The following NDC1 variants were observed in gnomAD, a reference collection of about 807,000 sequenced individuals.
NDC1 encodes nucleoporin NDC1.
Under a neutral mutation model 89.8 loss-of-function variants are expected in NDC1, and 24 were observed. That is an observed-to-expected ratio of 0.27 (90% CI 0.19 to 0.38). The LOEUF is 0.38. Ranked by LOEUF, NDC1 falls within the 10% of genes least tolerant of loss-of-function variation. The pLI is 1.00. For synonymous variants in NDC1, 296 were observed against 284.8 expected (o/e 1.04, Z -0.39); for missense variants, 728 against 797.6 (o/e 0.91, Z 1.05).
intron 7 of NDC1, among the ~76,000 whole-genome samples, chr1:53,809,075 T>A (rs1648211045): frequency 6.6e-6 from 1 of 152,240 alleles, no homozygotes; most frequent in African/African-American, 2.4e-5. Flanking sequence ...TGACTGCCAC[T>A]TGTGACCTTC....
At chr1:53,832,947 G>A (rs180756180) in intron 2 of NDC1, among the ~76,000 whole-genome samples, 1 of 152,252 alleles carries the variant, frequency 6.6e-6, no homozygotes, top group Non-Finnish European at 1.5e-5. Flanking sequence ...GGGAGTTTGA[G>A]GCTGCAGTGA....
At position 53,799,153 on chromosome 1, in the gene NDC1, GT is replaced by G. The variant is rs370397924; in HGVS notation, c.1222+1539del. ...ATAGAATAAAATCTAAACTTTTTTT[GT>G]TGCAAACAAGGCTTCCTTTCATTAT... On this transcript the variant is annotated intron_variant, in intron 11 of 17. Transcript: ENST00000371429. Among the ~76,000 whole-genome samples the G allele has an allele frequency of 1.6e-3, 236 of 152,162 alleles. 1 individual carries two copies. The highest frequency in any genetic ancestry group is 5.4e-3 in the African/African-American group (226 of 41,548).
chr1:53,837,571 C>CAA (rs199801630), intron 1 of NDC1, among the ~76,000 whole-genome samples: 10 of 124,064 alleles, frequency 8.1e-5, no homozygotes, highest in Middle Eastern at 4.2e-3. Context: ...GCCTCCGGCT[C>CAA]AAAAAAAAAA....
At chr1:53,769,175 C>T (rs1647091148) in intron 17 of NDC1, among the ~76,000 whole-genome samples, 1 of 152,102 alleles carries the variant, frequency 6.6e-6, no homozygotes, top group Non-Finnish European at 1.5e-5. Context: ...GAGCAAGACC[C>T]TGACTCAAAA....
intron 13 of NDC1, among the ~76,000 whole-genome samples, chr1:53,794,291 T>C (rs1463782675): frequency 6.6e-6 from 1 of 152,212 alleles, no homozygotes; most frequent in African/African-American, 2.4e-5. Context: ...AGTTTTCTAC[T>C]AGTTGACAAT....
chr1:53,832,148 T>C (rs1649087932), intron 3 of NDC1, among the ~76,000 whole-genome samples: 1 of 152,060 alleles, frequency 6.6e-6, no homozygotes, highest in South Asian at 2.1e-4. Context: ...GCTCCCAAAC[T>C]TTTCCATCTT....
At position 53,772,362 on chromosome 1, in the gene NDC1, T is replaced by C. The variant is rs1305624782; in HGVS notation, c.1928A>G (p.Tyr643Cys). The change falls in exon 17 of 18, where the codon TAT becomes TGT. Residue 643 changes from tyrosine to cysteine, a missense_variant. Tyr to Cys is a radical substitution (Grantham distance 194). Transcript: ENST00000371429. ...AFRASLKTAI[Y>C]RITTTFGEHL... The stretch of plus-strand genomic sequence containing the variant: ...TTCACCAAATGTAGTAGTTATTCGA[T>C]AGATGGCAGTTTTCAGTGATGCTCT... 5.6e-6 allele frequency: 9 copies of C among 1,613,910 alleles called. No individual in the cohort carries two copies. The highest frequency in any genetic ancestry group is 1.1e-5 in the South Asian group (1 of 91,046).
intron 14 of NDC1, among the ~76,000 whole-genome samples, chr1:53,792,174 C>T (rs1405348932): frequency 6.6e-6 from 1 of 151,740 alleles, no homozygotes; most frequent in South Asian, 2.1e-4. Context: ...GATCTCCTGA[C>T]CTCGTGATCC....
At chr1:53,777,768 T>G (rs1647174682) in intron 16 of NDC1, among the ~76,000 whole-genome samples, 1 of 151,994 alleles carries the variant, frequency 6.6e-6, no homozygotes, top group Non-Finnish European at 1.5e-5. Flanking sequence ...CCAGGCTGAG[T>G]GTAGTGGTAT....
rs759199856 is a variant in NDC1, at chr1:53,800,790, A to G, written c.1125T>C (p.Gly375=). Residue 375 remains glycine, a synonymous_variant, in exon 11 of 18, where the codon GGT becomes GGC. Coordinates refer to ENST00000371429, the MANE Select transcript of NDC1 (RefSeq NM_018087.5). The part of the protein sequence containing the change: ...ISRECLNLLN[G]MTQKLILYQE... Reference sequence around the variant, plus strand: ...GATAGAGAATCAGTTTCTGAGTCATACCATTTAAAAGATTCAAACACTCCC... The same window carrying G: ...GATAGAGAATCAGTTTCTGAGTCATGCCATTTAAAAGATTCAAACACTCCC... The G allele has an allele frequency of 1.7e-5, 28 of 1,613,370 alleles. No individual in the cohort carries two copies. Among genetic ancestry groups the G allele is most frequent in the Admixed American group, 5.0e-5 (3 of 59,924 alleles).
chr1:53,830,545 G>A (rs560005147), intron 3 of NDC1, among the ~76,000 whole-genome samples: 1 of 152,190 alleles, frequency 6.6e-6, no homozygotes, highest in South Asian at 2.1e-4. Flanking sequence ...ATTTTACAAG[G>A]AAGTGTTGAA....
At chr1:53,821,419 G>T (rs1481165618) in intron 5 of NDC1, among the ~76,000 whole-genome samples, 1 of 152,182 alleles carries the variant, frequency 6.6e-6, no homozygotes, top group Non-Finnish European at 1.5e-5. Flanking sequence ...CTCCAGCCTA[G>T]GTGACAGAGC....
At chr1:53,826,604 C>G (rs1011228039) in intron 4 of NDC1, among the ~76,000 whole-genome samples, 3 of 152,180 alleles carry the variant, frequency 2.0e-5, no homozygotes, top group Non-Finnish European at 4.4e-5. Flanking sequence ...TATCATTTTA[C>G]AATAGCTTTA....
At chr1:53,831,640 T>C (rs1445378744) in intron 3 of NDC1, among the ~76,000 whole-genome samples, 1 of 151,602 alleles carries the variant, frequency 6.6e-6, no homozygotes, top group Non-Finnish European at 1.5e-5. Context: ...ACCACTGCAC[T>C]CTAGCCTGGC....
intron 17 of NDC1, among the ~76,000 whole-genome samples, chr1:53,769,200 T>C (rs1570147273): frequency 6.6e-6 from 1 of 152,278 alleles, no homozygotes; most frequent in East Asian, 1.9e-4. Context: ...TTTTTTGATA[T>C]GTTATAGGCT....
intron 13 of NDC1, among the ~76,000 whole-genome samples, chr1:53,795,932 T>A (rs1213863542): frequency 1.3e-5 from 2 of 152,222 alleles, no homozygotes; most frequent in African/African-American, 2.4e-5. Context: ...GCCTGCTACC[T>A]TTCTGATCTT....
intron 13 of NDC1, among the ~76,000 whole-genome samples, chr1:53,794,452 C>G (rs541290441): frequency 3.9e-5 from 6 of 152,158 alleles, no homozygotes; most frequent in Non-Finnish European, 8.8e-5. Context: ...GAAAGTGACA[C>G]GGCAGTACTA....
intron 3 of NDC1, among the ~76,000 whole-genome samples, chr1:53,829,172 A>G (rs1416192005): frequency 1.3e-5 from 2 of 152,066 alleles, no homozygotes; most frequent in African/African-American, 2.4e-5. Flanking sequence ...CTATGTAGGT[A>G]TTTTGCTCTT....
At chr1:53,804,040 AT>A (rs765874946) in intron 9 of NDC1, 31 bp from the exon 10 acceptor site, 87 of 1,523,142 alleles carry the variant, frequency 5.7e-5, no homozygotes, top group East Asian at 1.1e-4. Context: ...ATATTATTTA[AT>A]TTTTTTTAAC....
Sources: allele counts gnomAD v4.1 joint callset (sites outside exome capture counted in the v4.1 genomes callset), GRCh38; gene constraint gnomAD v4.1.1; transcripts MANE v1.5; gene names NCBI Gene and HGNC (gene_info 2026-07-23, HGNC 2026-07-21).